Variants in MPC1 observed in about 807,000 individuals in gnomAD.
The protein encoded by MPC1 is HSPC040 protein.
MPC1 carries 6 observed loss-of-function variants against 13.9 expected under a neutral mutation model. The observed-to-expected ratio is 0.43, with a 90% CI of 0.24 to 0.85. The LOEUF (loss-of-function observed/expected upper bound fraction) is 0.85, where lower values mean the gene tolerates loss of function less well. Among genes scored for constraint, MPC1 ranks in the 40% least tolerant of loss-of-function variants. MPC1 has a pLI of 0.24. For synonymous variants in MPC1, 47 were observed against 50.5 expected (o/e 0.93, Z 0.29); for missense variants, 115 against 143.3 (o/e 0.80, Z 1.01).
chr6:166,367,007 G>A (rs763544588), intron 2 of MPC1, 116 bp from the exon 3 acceptor site: 10 of 1,560,026 alleles, frequency 6.4e-6, no homozygotes, highest in Middle Eastern at 1.7e-4. Flanking sequence ...ACAAATCTTC[G>A]TTTCCATCTT....
intron 1 of MPC1, 34 bp downstream of exon 1, chr6:166,382,772 C>A (rs768378219): frequency 3.0e-5 from 46 of 1,558,072 alleles, no homozygotes; most frequent in Non-Finnish European, 3.8e-5. Context: ...GGAGCCCCTC[C>A]GGGTTGCGGG....
chr6:166,372,788 C>T (rs1467714784), intron 1 of MPC1, among the ~76,000 whole-genome samples: 1 of 150,876 alleles, frequency 6.6e-6, no homozygotes, highest in African/African-American at 2.4e-5. Context: ...ATATAAACTG[C>T]AATTTGGGGA....
intron 2 of MPC1, chr6:166,369,960 G>A: frequency 1.6e-6 from 1 of 644,922 alleles, no homozygotes; most frequent in African/African-American, 1.8e-5. Flanking sequence ...AGGCTCCACT[G>A]TGACTGTTAT....
intron 1 of MPC1, among the ~76,000 whole-genome samples, chr6:166,379,450 T>C (rs1180899450): frequency 6.6e-6 from 1 of 152,158 alleles, no homozygotes; most frequent in Non-Finnish European, 1.5e-5. Context: ...GCTATGATCA[T>C]GCCATTGCAC....
intron 1 of MPC1, among the ~76,000 whole-genome samples, chr6:166,373,648 ATGTGT>A (rs1779465260): frequency 1.3e-5 from 2 of 152,178 alleles, no homozygotes; most frequent in Admixed American, 1.3e-4. Context: ...ATACCAAAGA[ATGTGT>A]AAGAAACTGC....
intron 1 of MPC1, among the ~76,000 whole-genome samples, chr6:166,381,972 C>CGCGCT (rs1258430633): frequency 6.6e-6 from 1 of 152,220 alleles, no homozygotes; most frequent in Non-Finnish European, 1.5e-5. Flanking sequence ...AGCGCCGCGC[C>CGCGCT]GCGCTCTCAG....
chr6:166,375,311 T>C (rs1182968426), intron 1 of MPC1, among the ~76,000 whole-genome samples: 1 of 152,350 alleles, frequency 6.6e-6, no homozygotes, highest in East Asian at 1.9e-4. Flanking sequence ...TATGAATTGG[T>C]TGTTCCTGAA....
intron 1 of MPC1, among the ~76,000 whole-genome samples, chr6:166,374,086 A>G (rs1779485356): frequency 6.6e-6 from 1 of 151,996 alleles, no homozygotes; most frequent in Non-Finnish European, 1.5e-5. Context: ...TCCCGGGTTC[A>G]AGTGATTCTC....
At chr6:166,366,144 A>C in intron 3 of MPC1, 38 bp from the exon 4 acceptor site, 1 of 1,601,840 alleles carries the variant, frequency 6.2e-7, no homozygotes, top group Non-Finnish European at 8.5e-7. Flanking sequence ...TCAATAACTT[A>C]GAAAACTGAG....
chr6:166,371,523 A>G (rs1185574060), intron 1 of MPC1, among the ~76,000 whole-genome samples: 1 of 152,178 alleles, frequency 6.6e-6, no homozygotes, highest in Non-Finnish European at 1.5e-5. Context: ...CGGCAGGGGG[A>G]AAAATGAAAT....
intron 1 of MPC1, among the ~76,000 whole-genome samples, chr6:166,374,488 A>C (rs1376022421): frequency 6.6e-6 from 1 of 152,092 alleles, no homozygotes; most frequent in Admixed American, 6.6e-5. Flanking sequence ...GTATCAGAAA[A>C]ACTCATCCCC....
intron 1 of MPC1, among the ~76,000 whole-genome samples, chr6:166,374,140 C>T (rs2114964115): frequency 6.6e-6 from 1 of 152,178 alleles, no homozygotes; most frequent in South Asian, 2.1e-4. Context: ...GCACCCGTCA[C>T]CACACCTGGC....
chr6:166,376,604 AAAT>A (rs1315435749), intron 1 of MPC1, among the ~76,000 whole-genome samples: 1 of 152,248 alleles, frequency 6.6e-6, no homozygotes, highest in African/African-American at 2.4e-5. Context: ...ACATGCCCAG[AAAT>A]AATGTTTTAC....
intron 1 of MPC1, among the ~76,000 whole-genome samples, chr6:166,380,939 C>CAAAAAAAAAAAAAAAAAAAAAAAAAAA (rs1175434820): frequency 2.1e-5 from 1 of 47,730 alleles, no homozygotes. Flanking sequence ...AACTCTGTCT[C>CAAAAAAAAAAAAAAAAAAAAAAAAAAA]AAAAAAAAAA....
At chr6:166,373,571 T>A (rs1779461885) in intron 1 of MPC1, among the ~76,000 whole-genome samples, 1 of 152,236 alleles carries the variant, frequency 6.6e-6, no homozygotes, top group Admixed American at 6.5e-5. Flanking sequence ...CAGTTATGAA[T>A]AAAACCTCTA....
chr6:166,379,057 C>A (rs951982991), intron 1 of MPC1, among the ~76,000 whole-genome samples: 4 of 151,606 alleles, frequency 2.6e-5, no homozygotes, highest in Non-Finnish European at 4.4e-5. Context: ...TTAAGTGTTC[C>A]GTTATCCCAG....
At chr6:166,378,607 G>A (rs1255193042) in intron 1 of MPC1, among the ~76,000 whole-genome samples, 3 of 152,304 alleles carry the variant, frequency 2.0e-5, no homozygotes, top group Non-Finnish European at 2.9e-5. Flanking sequence ...CCAGGAAGGA[G>A]AATGAGAGAA....
chr6:166,370,824 C>T (rs1283741982), intron 1 of MPC1, among the ~76,000 whole-genome samples: 1 of 151,544 alleles, frequency 6.6e-6, no homozygotes, highest in African/African-American at 2.4e-5. Context: ...GAGCAAGACC[C>T]TGTCTGGAAA....
chr6:166,380,959 A>AAG (rs1779755969), intron 1 of MPC1, among the ~76,000 whole-genome samples: 3 of 148,480 alleles, frequency 2.0e-5, no homozygotes, highest in African/African-American at 7.8e-5. Flanking sequence ...AAAAAAAAAA[A>AAG]AAAAAGAAAA....
Sources: gnomAD v4.1 joint callset for allele counts (sites outside exome capture counted in the v4.1 genomes callset) on GRCh38, gnomAD v4.1.1 for gene constraint, MANE v1.5 for transcripts, NCBI Gene and HGNC (gene_info 2026-07-23, HGNC 2026-07-21) for gene names.